The following SLC2A13 variants were observed in gnomAD, a reference collection of about 807,000 sequenced individuals.
SLC2A13 encodes the protein proton myo-inositol cotransporter.
In SLC2A13, 32 loss-of-function variants were observed where a neutral mutation model predicts 64.4. That is an observed-to-expected ratio of 0.50 (90% CI 0.37 to 0.67). The LOEUF (loss-of-function observed/expected upper bound fraction) is 0.67. Ranked by LOEUF, SLC2A13 falls within the 30% of genes least tolerant of loss-of-function variation. The probability of loss-of-function intolerance (pLI) is 0.00; values close to 1 mark genes in which losing one functional copy is unlikely to be tolerated. For synonymous variants in SLC2A13, 338 were observed against 327.1 expected (o/e 1.03, Z -0.36); for missense variants, 743 against 829.2 (o/e 0.90, Z 1.28).
At chr12:39,818,084 C>T (rs1354606070) in intron 7 of SLC2A13, among the ~76,000 whole-genome samples, 1 of 152,220 alleles carries the variant, frequency 6.6e-6, no homozygotes, top group African/African-American at 2.4e-5. Context: ...CATTCTTACA[C>T]TGCCAGAGAG....
intron 4 of SLC2A13, among the ~76,000 whole-genome samples, chr12:39,887,986 C>A (rs1422201473): frequency 1.3e-5 from 2 of 152,176 alleles, no homozygotes; most frequent in African/African-American, 4.8e-5. Context: ...CACATCACCA[C>A]CCCACTCTCA....
intron 2 of SLC2A13, among the ~76,000 whole-genome samples, chr12:40,039,440 G>A (rs1948046904): frequency 6.6e-6 from 1 of 152,064 alleles, no homozygotes; most frequent in Non-Finnish European, 1.5e-5. Flanking sequence ...TTTGCTATTT[G>A]CTATTTGTGC....
intron 3 of SLC2A13, among the ~76,000 whole-genome samples, chr12:39,995,170 T>C (rs1473533056): frequency 1.3e-5 from 2 of 152,198 alleles, no homozygotes; most frequent in Non-Finnish European, 2.9e-5. Context: ...TACATAATAA[T>C]GGTATATATT....
rs151038155 is a variant in SLC2A13 at position 39,781,148 on chromosome 12, T to C, written c.1446-16290A>G. On this transcript the variant is annotated intron_variant, in intron 7 of 9. Coordinates refer to ENST00000280871, the MANE Select transcript of SLC2A13 (RefSeq NM_052885.4). The stretch of plus-strand genomic sequence containing the variant: ...GAAAGTTCTGAAGCACCTTACTGAT[T>C]ATCAGCAATGAAACAAAACTGTAAA... Among the ~76,000 whole-genome samples the C allele has an allele frequency of 9.3e-4, 142 of 152,338 alleles. 3 individuals carry two copies. The East Asian group carries it at 0.026, about 28-fold the overall frequency.
intron 3 of SLC2A13, among the ~76,000 whole-genome samples, chr12:39,989,996 T>C (rs1229639888): frequency 6.6e-6 from 1 of 152,150 alleles, no homozygotes; most frequent in Non-Finnish European, 1.5e-5. Flanking sequence ...CTCCTGGAGT[T>C]TTCTCTGATA....
At chr12:40,002,848 T>TA (rs34891399) in intron 3 of SLC2A13, among the ~76,000 whole-genome samples, 104,777 of 148,852 alleles carry the variant, frequency 0.7, 36,542 homozygotes, top group East Asian at 0.84. Flanking sequence ...TATATTCCCC[T>TA]AAAAAAAAAA....
At chr12:40,036,150 T>C (rs1947980459) in intron 2 of SLC2A13, among the ~76,000 whole-genome samples, 1 of 152,182 alleles carries the variant, frequency 6.6e-6, no homozygotes, top group Non-Finnish European at 1.5e-5. Flanking sequence ...TAGGATTCTT[T>C]AACTGCCATG....
intron 3 of SLC2A13, among the ~76,000 whole-genome samples, chr12:39,966,698 C>T (rs906442299): frequency 6.6e-6 from 1 of 152,112 alleles, no homozygotes. Context: ...ATGGCCATAG[C>T]ACAGGATAGA....
chr12:39,780,368 T>G (rs1431144678), intron 7 of SLC2A13, among the ~76,000 whole-genome samples: 1 of 152,138 alleles, frequency 6.6e-6, no homozygotes, highest in African/African-American at 2.4e-5. Context: ...GGAATTTGAA[T>G]GGAAAAAGAG....
chr12:39,977,689 A>T (rs1422057894), intron 3 of SLC2A13, among the ~76,000 whole-genome samples: 1 of 152,262 alleles, frequency 6.6e-6, no homozygotes, highest in Non-Finnish European at 1.5e-5. Context: ...GAATATCCTC[A>T]GTGGTCACAA....
At chr12:40,036,039 A>C (rs1947978995) in intron 2 of SLC2A13, among the ~76,000 whole-genome samples, 1 of 152,208 alleles carries the variant, frequency 6.6e-6, no homozygotes, top group Admixed American at 6.5e-5. Flanking sequence ...TCTGAGAATC[A>C]TCCATGAAAA....
At chr12:40,027,528 A>T (rs1426089381) in intron 3 of SLC2A13, among the ~76,000 whole-genome samples, 3 of 152,228 alleles carry the variant, frequency 2.0e-5, no homozygotes, top group Non-Finnish European at 4.4e-5. Context: ...GGTAGGAGAA[A>T]GTAGACTGGA....
At chr12:40,011,492 T>C (rs1947530976) in intron 3 of SLC2A13, among the ~76,000 whole-genome samples, 1 of 152,188 alleles carries the variant, frequency 6.6e-6, no homozygotes, top group South Asian at 2.1e-4. Flanking sequence ...CAAGTTTTAT[T>C]TTAGATTCAG....
intron 1 of SLC2A13, among the ~76,000 whole-genome samples, chr12:40,051,001 A>G (rs1459576084): frequency 1.3e-5 from 2 of 152,150 alleles, no homozygotes; most frequent in African/African-American, 4.8e-5. Flanking sequence ...TTTTATTCTT[A>G]TTATCATCTC....
chr12:39,812,834 C>A (rs1473247752), intron 7 of SLC2A13, among the ~76,000 whole-genome samples: 1 of 143,464 alleles, frequency 7.0e-6, no homozygotes, highest in Non-Finnish European at 1.5e-5. Context: ...TGTAGTATTA[C>A]CTTTTTTTTT....
Position 40,051,691 on chromosome 12 carries a change from G to T in SLC2A13, c.557-3481C>A, listed in dbSNP as rs140084761. ...TAGGGGAGAGTTGGGAGGTACTGCA[G>T]ACAATCAGATCAGCTTAGGTAAGGG... On this transcript the variant is annotated intron_variant, in intron 1 of 9. Coordinates refer to ENST00000280871, the MANE Select transcript of SLC2A13 (RefSeq NM_052885.4). Among the ~76,000 whole-genome samples, 382 of 152,256 alleles carry T rather than the reference G, an allele frequency of 2.5e-3. 1 individual carries two copies. Among genetic ancestry groups the T allele is most frequent in the African/African-American group, 8.9e-3 (371 of 41,546 alleles).
intron 3 of SLC2A13, among the ~76,000 whole-genome samples, chr12:39,967,501 A>G (rs1946541421): frequency 6.6e-6 from 1 of 152,208 alleles, no homozygotes; most frequent in Non-Finnish European, 1.5e-5. Context: ...TTTACATTAA[A>G]AATATATGAC....
intron 3 of SLC2A13, among the ~76,000 whole-genome samples, chr12:40,005,735 C>T (rs1167686011): frequency 6.6e-6 from 1 of 152,184 alleles, no homozygotes; most frequent in Non-Finnish European, 1.5e-5. Context: ...CTAAAATCCA[C>T]TAAGTGGCAG....
chr12:40,083,945 AC>A (rs1938503134), intron 1 of SLC2A13, among the ~76,000 whole-genome samples: 1 of 151,968 alleles, frequency 6.6e-6, no homozygotes, highest in African/African-American at 2.4e-5. Context: ...TGGAAGACTT[AC>A]CCCATTTCGA....
Sources: gnomAD v4.1 joint callset for allele counts (sites outside exome capture counted in the v4.1 genomes callset) on GRCh38, gnomAD v4.1.1 for gene constraint, MANE v1.5 for transcripts, NCBI Gene and HGNC (gene_info 2026-07-23, HGNC 2026-07-21) for gene names.